Variants in ELAVL2 observed in about 807,000 individuals in gnomAD.
ELAVL2 encodes ELAV-like protein 2.
In ELAVL2, 4 loss-of-function variants were observed where a neutral mutation model predicts 34.6. The ratio of observed to expected loss-of-function variants is 0.12; its 90% confidence interval spans 0.06 to 0.26. The LOEUF (loss-of-function observed/expected upper bound fraction) is 0.26. Ranked by LOEUF, ELAVL2 falls within the 10% of genes least tolerant of loss-of-function variation. The pLI is 1.00. For missense variants in ELAVL2, 432 were observed against 442.8 expected, an observed-to-expected ratio of 0.98 and a Z score of 0.22; for synonymous variants, 193 against 154.8, an observed-to-expected ratio of 1.25 and a Z score of -1.83.
intron 2 of ELAVL2, among the ~76,000 whole-genome samples, chr9:23,754,890 G>T (rs969413160): frequency 6.6e-6 from 1 of 152,154 alleles, no homozygotes; most frequent in African/African-American, 2.4e-5. Flanking sequence ...TCTCTGTCCT[G>T]TACCAGTTCA....
chr9:23,697,848 C>T (rs1003911488), intron 5 of ELAVL2, among the ~76,000 whole-genome samples: 1 of 151,866 alleles, frequency 6.6e-6, no homozygotes, highest in Admixed American at 6.6e-5. Context: ...AAAATATACT[C>T]GGAATCCCAC....
At chr9:23,782,900 G>C (rs1017622849) in intron 1 of ELAVL2, among the ~76,000 whole-genome samples, 6 of 152,176 alleles carry the variant, frequency 3.9e-5, no homozygotes, top group Admixed American at 6.5e-5. Flanking sequence ...GTGAAACCAG[G>C]AAGGAAGACA....
At chr9:23,742,290 C>G (rs558279989) in intron 2 of ELAVL2, among the ~76,000 whole-genome samples, 1 of 152,286 alleles carries the variant, frequency 6.6e-6, no homozygotes, top group Admixed American at 6.5e-5. Flanking sequence ...CCCGACCAAG[C>G]TAAGCTGCTA....
intron 1 of ELAVL2, among the ~76,000 whole-genome samples, chr9:23,806,430 T>G (rs1273219141): frequency 6.6e-6 from 1 of 151,986 alleles, no homozygotes; most frequent in East Asian, 1.9e-4. Flanking sequence ...GAGCCCAGGA[T>G]TTCAAGACAA....
intron 1 of ELAVL2, among the ~76,000 whole-genome samples, chr9:23,788,304 T>C (rs1035971879): frequency 6.6e-6 from 1 of 152,136 alleles, no homozygotes. Context: ...GCATTTGCCA[T>C]CCTAAGTCTT....
In ELAVL2 at chr9:23,760,292, G is replaced by A. The variant is rs182656932; in HGVS notation, c.229+1714C>T. Among the ~76,000 whole-genome samples, 142 of 151,958 alleles carry A rather than the reference G, an allele frequency of 9.3e-4. No individual in the cohort carries two copies. In the Middle Eastern group the frequency reaches 0.01, roughly 11 times the overall value. On this transcript the variant is annotated intron_variant, in intron 2 of 6. Transcript: ENST00000397312. The stretch of plus-strand genomic sequence containing the variant: ...ATAAAATGATAAAATGTATCATTTC[G>A]TAACAGTTTCATAACAAAACATGAC...
chr9:23,723,559 CATAATA>C (rs990334984), intron 3 of ELAVL2, among the ~76,000 whole-genome samples: 1 of 151,080 alleles, frequency 6.6e-6, no homozygotes, highest in African/African-American at 2.4e-5. Context: ...AAACTTAAAG[CATAATA>C]ATAATTTAAA....
rs555219781 is a variant in ELAVL2 at position 23,715,770 on chromosome 9, C to G, written c.334-10699G>C. 1.4e-4 allele frequency among the ~76,000 whole-genome samples: 21 copies of G among 152,046 alleles called. No individual in the cohort carries two copies. The South Asian group carries it at 4.2e-3, about 30-fold the overall frequency. The stretch of plus-strand genomic sequence containing the variant: ...TCTAGTATGCCTAAGACACTGTCAA[C>G]AGATTAAAATGCTGAGTTAGAATGT... On this transcript the variant is annotated intron_variant, in intron 3 of 6. Coordinates refer to ENST00000397312, the MANE Select transcript of ELAVL2 (RefSeq NM_004432.5).
the ELAVL2 span, among the ~76,000 whole-genome samples, chr9:23,836,375 A>G: frequency 1.1e-4 from 16 of 152,156 alleles, no homozygotes; most frequent in African/African-American, 3.9e-4. Flanking sequence ...CCTGTAGATG[A>G]TATTTCTAGG....
Position 23,731,079 on chromosome 9 carries a change from A to T in ELAVL2, c.276T>A (p.Asp92Glu), listed in dbSNP as rs763694343. The change falls in exon 3 of 7, where the codon GAT (aspartate) becomes GAA (glutamate). Residue 92 changes from aspartate (D) to glutamate (E), a missense_variant. This residue lies in a region of ELAVL2 where 132 missense variants were observed against 118.3 expected (regional missense o/e 1.12). Coordinates refer to ENST00000397312, the MANE Select transcript of ELAVL2 (RefSeq NM_004432.5). The part of the protein sequence containing the change: ...YGFVNYIDPK[D>E]AEKAINTLNG... ...TCAGGGTGTTGATAGCTTTCTCTGC[A>T]TCCTTGGGGTCAATGTAGTTCACAA... 6.2e-7 allele frequency: 1 copy of T among 1,613,314 alleles called. No individual in the cohort carries two copies. Among genetic ancestry groups the T allele is most frequent in the Non-Finnish European group, 8.5e-7 (1 of 1,179,484 alleles).
At chr9:23,730,290 A>T (rs974867970) in intron 3 of ELAVL2, among the ~76,000 whole-genome samples, 1 of 152,168 alleles carries the variant, frequency 6.6e-6, no homozygotes. Context: ...CAAAAGCAGC[A>T]AAGTATGTAC....
Position 23,701,372 on chromosome 9 carries a change from G to A in ELAVL2, c.713+7C>T, listed in dbSNP as rs376543674. On this transcript the variant is annotated splice_region_variant and intron_variant, in intron 5 of 6. Transcript: ENST00000397312. ...GTAGCTGGGCACAAGAACCAAACCA[G>A]ACTTACCTAAAACGCTGTGCCTGCT... The A allele has an allele frequency of 7.4e-6, 12 of 1,613,778 alleles. No homozygotes were observed. The African/African-American group carries it at 1.2e-4, about 16-fold the overall frequency.
chr9:23,746,183 TACAC>T (rs1040340698), intron 2 of ELAVL2, among the ~76,000 whole-genome samples: 7 of 152,144 alleles, frequency 4.6e-5, no homozygotes, highest in African/African-American at 1.7e-4. Flanking sequence ...CATACATACA[TACAC>T]ACCTCTCAAA....
chr9:23,701,205 A>T (rs547273779), intron 5 of ELAVL2, among the ~76,000 whole-genome samples, 174 bp downstream of exon 5: 1 of 152,358 alleles, frequency 6.6e-6, no homozygotes, highest in African/African-American at 2.4e-5. Context: ...AGCAAAAGAC[A>T]CTATTCCTCA....
At chr9:23,810,432 TG>T (rs937187249) in intron 1 of ELAVL2, among the ~76,000 whole-genome samples, 1 of 152,122 alleles carries the variant, frequency 6.6e-6, no homozygotes, top group African/African-American at 2.4e-5. Context: ...AAAATAATCC[TG>T]GTACAACAAC....
chr9:23,728,954 T>C (rs906060228), intron 3 of ELAVL2, among the ~76,000 whole-genome samples: 7 of 151,906 alleles, frequency 4.6e-5, no homozygotes, highest in African/African-American at 1.7e-4. Context: ...TCTCAGAAAA[T>C]CAGAAACTGA....
chr9:23,736,154 C>T (rs188657369), intron 2 of ELAVL2, among the ~76,000 whole-genome samples: 15 of 152,108 alleles, frequency 9.9e-5, no homozygotes, highest in Non-Finnish European at 2.1e-4. Context: ...TCAAATTACC[C>T]CCTCAGGTTT....
intron 2 of ELAVL2, among the ~76,000 whole-genome samples, chr9:23,758,805 T>A (rs541046001): frequency 3.3e-5 from 5 of 152,120 alleles, no homozygotes; most frequent in Non-Finnish European, 5.9e-5. Flanking sequence ...TAGTTCTTAA[T>A]ACAGTGATTA....
chr9:23,699,812 G>GT (rs199637833), intron 5 of ELAVL2, among the ~76,000 whole-genome samples: 835 of 82,906 alleles, frequency 0.01, 90 homozygotes, highest in Non-Finnish European at 0.014. Context: ...GGTGGCAAAG[G>GT]TTTTTTTTTT....
Sources: allele counts gnomAD v4.1 joint callset (sites outside exome capture counted in the v4.1 genomes callset), GRCh38; gene constraint gnomAD v4.1.1; regional missense constraint gnomAD v4.1.1; transcripts MANE v1.5; gene names NCBI Gene and HGNC (gene_info 2026-07-23, HGNC 2026-07-21).